REV3L: variants seen among roughly 807,000 people sequenced by gnomAD.
REV3L encodes REV3 like, DNA directed polymerase zeta catalytic subunit, also known as DNA polymerase zeta catalytic subunit.
In REV3L, 69 loss-of-function variants were observed where a neutral mutation model predicts 299.4. The observed-to-expected ratio is 0.23, with a 90% CI of 0.19 to 0.28. The LOEUF (loss-of-function observed/expected upper bound fraction) is 0.28. Among genes scored for constraint, REV3L ranks in the 10% least tolerant of loss-of-function variants. The probability of loss-of-function intolerance (pLI) is 1.00; values close to 1 mark genes in which losing one functional copy is unlikely to be tolerated. For synonymous variants in REV3L, 1,238 were observed against 1,271.4 expected, an observed-to-expected ratio of 0.97 and a Z score of 0.56; for missense variants, 3,128 against 3,693.8, an observed-to-expected ratio of 0.85 and a Z score of 3.97.
At chr6:111,410,735 C>A (rs1428266409) in intron 3 of REV3L, among the ~76,000 whole-genome samples, 1 of 152,126 alleles carries the variant, frequency 6.6e-6, no homozygotes, top group Non-Finnish European at 1.5e-5. Flanking sequence ...AGTCGTGCCC[C>A]CTGTAGTGCT....
At chr6:111,343,568 C>T (rs965535557) in intron 21 of REV3L, among the ~76,000 whole-genome samples, 11 of 152,164 alleles carry the variant, frequency 7.2e-5, no homozygotes, top group African/African-American at 1.9e-4. Flanking sequence ...CTCACTCTGT[C>T]GCCCAGGCTG....
intron 1 of REV3L, among the ~76,000 whole-genome samples, chr6:111,421,457 G>T (rs759679849): frequency 6.6e-6 from 1 of 152,130 alleles, no homozygotes; most frequent in Admixed American, 6.5e-5. Context: ...GGAAGCAGCT[G>T]TATGCAATAC....
chr6:111,449,511 T>G (rs755739713), intron 1 of REV3L, among the ~76,000 whole-genome samples: 2 of 152,078 alleles, frequency 1.3e-5, no homozygotes, highest in Non-Finnish European at 2.9e-5. Flanking sequence ...GTAACTAAAA[T>G]GGGCAGAGGG....
rs556932198 is a variant in REV3L at position 111,305,417 on chromosome 6, C to G, written c.9252+1944G>C. ...ACCAGCCTGGGCAACATAGTGAGAC[C>G]CGATGTCTAAAAAAAAATAATTAGT... On this transcript the variant is annotated intron_variant, in intron 31 of 31. Coordinates refer to ENST00000368802, the MANE Select transcript of REV3L (RefSeq NM_001372078.1). 7.3e-5 allele frequency among the ~76,000 whole-genome samples: 11 copies of G among 151,584 alleles called. No individual in the cohort carries two copies. The East Asian group carries it at 2.1e-3, about 30-fold the overall frequency.
At chr6:111,304,718 G>A (rs1772073288) in intron 31 of REV3L, among the ~76,000 whole-genome samples, 1 of 151,052 alleles carries the variant, frequency 6.6e-6, no homozygotes, top group African/African-American at 2.4e-5. Context: ...TGCCCATGCA[G>A]TAAATGTAGT....
Position 111,310,024 on chromosome 6 carries a change from G to C in REV3L, c.8871C>G (p.Thr2957=). Residue 2957 remains threonine (T), a synonymous_variant, in exon 30 of 32, where the codon ACC becomes ACG. Coordinates refer to ENST00000368802, the MANE Select transcript of REV3L (RefSeq NM_001372078.1). ...ERVPYVIIYG[T]PGVPLIQLVR... ...CAAGCTGGATAAGTGGTACTCCGGG[G>C]GTCCCATAAATGATGACGTATGGCA... 1 of 1,612,774 alleles carries C rather than the reference G, an allele frequency of 6.2e-7. No individual in the cohort carries two copies. The highest frequency in any genetic ancestry group is 1.3e-5 in the African/African-American group (1 of 74,970).
At position 111,336,199 on chromosome 6, in the gene REV3L, T is replaced by TA. The variant is rs17539971; in HGVS notation, c.7539-590dup. Among the ~76,000 whole-genome samples, 320 of 152,102 alleles carry TA rather than the reference T, an allele frequency of 2.1e-3. 5 individuals are homozygous for TA. Among genetic ancestry groups the TA allele is most frequent in the Admixed American group, 0.017 (262 of 15,274 alleles). On this transcript the variant is annotated intron_variant, in intron 21 of 31. Transcript: ENST00000368802. ...AAGTTCTGTTTTTCAGTTTAAACCTTAAATTTAACCTCTTTACCTTACCTT... is the reference window on the plus strand; with the variant it reads ...AAGTTCTGTTTTTCAGTTTAAACCTTAAAATTTAACCTCTTTACCTTACCTT...
At chr6:111,387,407 ATAAAT>A (rs1263048893) in intron 9 of REV3L, among the ~76,000 whole-genome samples, 1 of 152,222 alleles carries the variant, frequency 6.6e-6, no homozygotes. Context: ...TTTATGTTAT[ATAAAT>A]TAAACTTCAA....
chr6:111,482,994 G>T lies in REV3L; in HGVS notation c.-106C>A. ...GCGGCGGCGCCCCCTCCCCTTCTCG[G>T]CACGGCCCCCTCCCCTCACACAGAG... On this transcript the variant is annotated 5_prime_UTR_variant, in exon 1 of 32. Transcript: ENST00000368802. The T allele has an allele frequency of 7.6e-7, 1 of 1,318,708 alleles. No homozygotes were observed. Among genetic ancestry groups the T allele is most frequent in the East Asian group, 3.1e-5 (1 of 32,442 alleles). 81.7% of individuals were successfully genotyped at this position (1,318,708 alleles called of 1,614,324 possible).
intron 4 of REV3L, among the ~76,000 whole-genome samples, chr6:111,402,616 C>T (rs1228195321): frequency 6.6e-6 from 1 of 152,124 alleles, no homozygotes; most frequent in Non-Finnish European, 1.5e-5. Context: ...TAACCTAGCC[C>T]ACTATTCACG....
At chr6:111,331,031 C>G (rs1775324991) in intron 24 of REV3L, 2 of 984,708 alleles carry the variant, frequency 2.0e-6, no homozygotes, top group South Asian at 9.4e-5. Context: ...ACTCTACTGT[C>G]TCATGATTCT....
intron 11 of REV3L, among the ~76,000 whole-genome samples, chr6:111,378,733 C>T (rs931836802): frequency 6.6e-6 from 1 of 152,126 alleles, no homozygotes; most frequent in Non-Finnish European, 1.5e-5. Context: ...CTATTTTGTT[C>T]TCTGTAGCTA....
chr6:111,356,953 T>G (rs900082642), intron 18 of REV3L, 61 bp downstream of exon 18: 1 of 809,194 alleles, frequency 1.2e-6, no homozygotes, highest in Admixed American at 2.3e-5. Context: ...CACTATTATC[T>G]GCAATAGCAT....
At chr6:111,383,796 T>C (rs899600278) in intron 9 of REV3L, among the ~76,000 whole-genome samples, 5 of 151,904 alleles carry the variant, frequency 3.3e-5, no homozygotes, top group Non-Finnish European at 5.9e-5. Flanking sequence ...AGATCCCGAA[T>C]AACCAAAGCT....
intron 31 of REV3L, among the ~76,000 whole-genome samples, chr6:111,301,795 TA>T (rs1446800440): frequency 4.6e-5 from 7 of 152,170 alleles, no homozygotes; most frequent in South Asian, 2.1e-4. Context: ...AAAAATACTT[TA>T]AAGTCTCAAG....
At chr6:111,404,038 A>G (rs747662992) in intron 4 of REV3L, among the ~76,000 whole-genome samples, 6 of 152,208 alleles carry the variant, frequency 3.9e-5, no homozygotes, top group Non-Finnish European at 5.9e-5. Flanking sequence ...GGATACACTA[A>G]ATAACAGATT....
intron 18 of REV3L, among the ~76,000 whole-genome samples, chr6:111,354,482 A>G (rs1479368812): frequency 4.6e-5 from 7 of 152,190 alleles, no homozygotes; most frequent in African/African-American, 1.7e-4. Flanking sequence ...TCCCTTTAGA[A>G]GAATTGTAAA....
chr6:111,303,161 C>CTTTTTTTTTTTT (rs1192743753), intron 31 of REV3L, among the ~76,000 whole-genome samples: 5 of 55,548 alleles, frequency 9.0e-5, no homozygotes, highest in African/African-American at 1.2e-4. Flanking sequence ...GCTTTCTTTT[C>CTTTTTTTTTTTT]TTTCTTTTTT....
chr6:111,422,967 G>A (rs1785745649), intron 1 of REV3L, among the ~76,000 whole-genome samples: 1 of 151,342 alleles, frequency 6.6e-6, no homozygotes, highest in Admixed American at 6.6e-5. Context: ...AAACTATATC[G>A]CTGAAATACC....
Sources: gnomAD v4.1 joint callset for allele counts (sites outside exome capture counted in the v4.1 genomes callset) on GRCh38, gnomAD v4.1.1 for gene constraint, MANE v1.5 for transcripts, NCBI Gene and HGNC (gene_info 2026-07-23, HGNC 2026-07-21) for gene names.